The following EXOC6B variants were observed in gnomAD, a reference collection of about 807,000 sequenced individuals.
EXOC6B encodes the protein SEC15 homolog B.
EXOC6B carries 54 observed loss-of-function variants against 113.5 expected under a neutral mutation model. That is an observed-to-expected ratio of 0.48 (90% CI 0.38 to 0.60). The LOEUF is 0.60. EXOC6B is among the 20% of genes least tolerant of loss of function. The pLI is 0.00. For synonymous variants in EXOC6B, 357 were observed against 339.0 expected, an observed-to-expected ratio of 1.05 and a Z score of -0.58; for missense variants, 797 against 977.5, an observed-to-expected ratio of 0.82 and a Z score of 2.46.
chr2:72,262,751 C>T (rs1485964779), intron 20 of EXOC6B, among the ~76,000 whole-genome samples: 3 of 152,038 alleles, frequency 2.0e-5, no homozygotes, highest in African/African-American at 7.2e-5. Flanking sequence ...TCTATCTTTC[C>T]CACCTCCCAC....
chr2:72,219,497 G>A (rs78332118), intron 20 of EXOC6B, among the ~76,000 whole-genome samples: 3,020 of 152,118 alleles, frequency 0.02, 108 homozygotes, highest in African/African-American at 0.069. Flanking sequence ...TAGTCTTGAG[G>A]ACTCACAATT....
intron 18 of EXOC6B, among the ~76,000 whole-genome samples, chr2:72,413,134 T>C (rs1266671107): frequency 6.6e-6 from 1 of 151,916 alleles, no homozygotes; most frequent in Non-Finnish European, 1.5e-5. Context: ...AAGTTTTTTT[T>C]GTATTTTTAG....
intron 19 of EXOC6B, among the ~76,000 whole-genome samples, chr2:72,340,536 G>A (rs1414664808): frequency 6.6e-5 from 10 of 152,144 alleles, no homozygotes; most frequent in Non-Finnish European, 7.4e-5. Flanking sequence ...GATAACATCA[G>A]TACAGTATTG....
Position 72,407,269 on chromosome 2 carries a change from T to C in EXOC6B, c.1981-27399A>G, listed in dbSNP as rs190775535. 3.9e-3 allele frequency among the ~76,000 whole-genome samples: 599 copies of C among 152,238 alleles called. 11 individuals are homozygous for C. Among genetic ancestry groups the C allele is most frequent in the African/African-American group, 0.014 (580 of 41,536 alleles). ...GTCCAGGACCAGAAGGATTCACAGCTGAATTCTACCAGAGGTACAAGGAGG... is the reference window on the plus strand; with the variant it reads ...GTCCAGGACCAGAAGGATTCACAGCCGAATTCTACCAGAGGTACAAGGAGG... On this transcript the variant is annotated intron_variant, in intron 18 of 21. Transcript: ENST00000272427.
At chr2:72,545,130 T>TA (rs2105801697) in intron 8 of EXOC6B, among the ~76,000 whole-genome samples, 1 of 152,180 alleles carries the variant, frequency 6.6e-6, no homozygotes, top group African/African-American at 2.4e-5. Context: ...GACACCTCTT[T>TA]AAAAAAATAC....
chr2:72,396,665 C>CTATA (rs1450257146), intron 18 of EXOC6B, among the ~76,000 whole-genome samples: 1 of 152,052 alleles, frequency 6.6e-6, no homozygotes, highest in Non-Finnish European at 1.5e-5. Context: ...GAACCAGGAT[C>CTATA]TATAGTTTGC....
At chr2:72,269,008 G>T (rs1328117960) in intron 20 of EXOC6B, among the ~76,000 whole-genome samples, 4 of 152,086 alleles carry the variant, frequency 2.6e-5, no homozygotes, top group African/African-American at 7.2e-5. Context: ...TGGCTTAAAA[G>T]CATTTAAAAA....
At chr2:72,297,568 T>G (rs975645525) in intron 20 of EXOC6B, among the ~76,000 whole-genome samples, 5 of 152,216 alleles carry the variant, frequency 3.3e-5, no homozygotes, top group African/African-American at 1.2e-4. Context: ...TGTTTGCTCT[T>G]GCTTCTCTAG....
At chr2:72,802,324 CAAA>C (rs200155351) in intron 1 of EXOC6B, among the ~76,000 whole-genome samples, 9 of 102,730 alleles carry the variant, frequency 8.8e-5, no homozygotes, top group Admixed American at 1.0e-4. Context: ...GACTCTGTCT[CAAA>C]AAAAAAAAAA....
At chr2:72,707,570 C>T (rs966639597) in intron 6 of EXOC6B, among the ~76,000 whole-genome samples, 10 of 151,842 alleles carry the variant, frequency 6.6e-5, no homozygotes, top group Admixed American at 1.3e-4. Context: ...CCAGCCATCA[C>T]GCCCAGCTAA....
At chr2:72,534,989 A>C (rs1014714946) in intron 8 of EXOC6B, among the ~76,000 whole-genome samples, 1 of 152,214 alleles carries the variant, frequency 6.6e-6, no homozygotes, top group African/African-American at 2.4e-5. Flanking sequence ...CTTCAGGCCT[A>C]AAGTGGTTTC....
intron 20 of EXOC6B, among the ~76,000 whole-genome samples, chr2:72,331,758 A>C (rs1385096969): frequency 6.6e-6 from 1 of 152,084 alleles, no homozygotes; most frequent in African/African-American, 2.4e-5. Context: ...TTGTACTTTA[A>C]CTCTGAAGTG....
intron 20 of EXOC6B, among the ~76,000 whole-genome samples, chr2:72,245,944 T>C (rs1381968515): frequency 6.6e-6 from 1 of 152,234 alleles, no homozygotes; most frequent in African/African-American, 2.4e-5. Flanking sequence ...ATTAGATCAG[T>C]GCCTTGCTTA....
chr2:72,482,446 A>C (rs1344322661), intron 16 of EXOC6B, among the ~76,000 whole-genome samples: 1 of 151,268 alleles, frequency 6.6e-6, no homozygotes, highest in Non-Finnish European at 1.5e-5. Flanking sequence ...TTGGTGTGTA[A>C]GGCAATGAAT....
chr2:72,229,294 C>T (rs1681459426), intron 20 of EXOC6B, among the ~76,000 whole-genome samples: 1 of 152,040 alleles, frequency 6.6e-6, no homozygotes, highest in Admixed American at 6.6e-5. Context: ...AGGGAGACGT[C>T]GTTAAGATCT....
At chr2:72,300,542 G>A (rs574827845) in intron 20 of EXOC6B, among the ~76,000 whole-genome samples, 36 of 152,250 alleles carry the variant, frequency 2.4e-4, no homozygotes, top group African/African-American at 8.4e-4. Flanking sequence ...GTTCTGTCTC[G>A]CTAGCGTTCC....
chr2:72,578,845 C>T (rs946112360), intron 6 of EXOC6B, among the ~76,000 whole-genome samples: 3 of 151,968 alleles, frequency 2.0e-5, no homozygotes, highest in Non-Finnish European at 4.4e-5. Flanking sequence ...ATTATCCACT[C>T]AGGAAACGGC....
chr2:72,399,019 A>G (rs954710152), intron 18 of EXOC6B, among the ~76,000 whole-genome samples: 3 of 151,728 alleles, frequency 2.0e-5, no homozygotes, highest in Non-Finnish European at 4.4e-5. Context: ...GAAAAAAAAA[A>G]AAAGAAAAAA....
chr2:72,705,742 A>T (rs183921029), intron 6 of EXOC6B, among the ~76,000 whole-genome samples: 29 of 139,134 alleles, frequency 2.1e-4, no homozygotes, highest in African/African-American at 6.7e-4. Flanking sequence ...CACCCAATAA[A>T]AAGGAACAAC....
Sources: gnomAD v4.1 joint callset for allele counts (sites outside exome capture counted in the v4.1 genomes callset) on GRCh38, gnomAD v4.1.1 for gene constraint, MANE v1.5 for transcripts, NCBI Gene and HGNC (gene_info 2026-07-23, HGNC 2026-07-21) for gene names.